The following FGD6 variants were observed in gnomAD, a reference collection of about 807,000 sequenced individuals.
FGD6 encodes the protein FYVE, RhoGEF and PH domain-containing protein 6.
Under a neutral mutation model 149.4 loss-of-function variants are expected in FGD6, and 90 were observed. The ratio of observed to expected loss-of-function variants is 0.60; its 90% CI spans 0.51 to 0.72. FGD6 has a LOEUF of 0.72. Among genes scored for constraint, FGD6 ranks in the 30% least tolerant of loss-of-function variants. The pLI is 0.00. For missense variants in FGD6, 1,437 were observed against 1,684.8 expected, an observed-to-expected ratio of 0.85 and a Z score of 2.57; for synonymous variants, 527 against 584.0, an observed-to-expected ratio of 0.90 and a Z score of 1.41.
At chr12:95,142,966 T>G (rs1879897440) in intron 5 of FGD6, among the ~76,000 whole-genome samples, 1 of 152,166 alleles carries the variant, frequency 6.6e-6, no homozygotes, top group Admixed American at 6.6e-5. Flanking sequence ...GGGTAGGAGA[T>G]AAGTATTTGC....
chr12:95,102,690 G>A (rs1878489047), intron 14 of FGD6, among the ~76,000 whole-genome samples: 1 of 152,134 alleles, frequency 6.6e-6, no homozygotes. Flanking sequence ...TTGCATTTCA[G>A]AGGAGTAGCA....
chr12:95,179,217 CG>C (rs1332050289), intron 2 of FGD6, among the ~76,000 whole-genome samples: 8 of 151,728 alleles, frequency 5.3e-5, no homozygotes, highest in Admixed American at 1.3e-4. Flanking sequence ...TAATCAGAGC[CG>C]GGGTGGTGAC....
In FGD6 at chr12:95,079,784, G is replaced by C. The variant is rs1230083227; in HGVS notation, c.*1736C>G. ...AACTCTAGATCTAGTAGGGACTCTGGTGCTGTACCAAACAGCATTCAAAAG... is the reference window on the plus strand; with the variant it reads ...AACTCTAGATCTAGTAGGGACTCTGCTGCTGTACCAAACAGCATTCAAAAG... On this transcript the variant is annotated 3_prime_UTR_variant, in exon 21 of 21. Transcript: ENST00000343958. The C allele has an allele frequency of 6.6e-6, 1 of 151,984 alleles. No homozygotes were observed. The highest frequency in any genetic ancestry group is 2.4e-5 in the African/African-American group (1 of 41,356). The allele number at this position is 151,984 out of a possible 1,614,324, so 9.4% of individuals were successfully genotyped here. A position where few individuals can be genotyped will look rare whatever the true frequency, so the allele number is the denominator to read the frequency against.
intron 14 of FGD6, among the ~76,000 whole-genome samples, chr12:95,095,651 G>A (rs1417432196): frequency 6.6e-6 from 1 of 151,984 alleles, no homozygotes; most frequent in East Asian, 1.9e-4. Context: ...AAATTCATCA[G>A]AATGGGATTG....
rs1220891968 is a variant in FGD6, at chr12:95,078,752, A to C, written c.*2768T>G. 6.6e-6 allele frequency: 1 copy of C among 152,206 alleles called. No individual in the cohort carries two copies. The highest frequency in any genetic ancestry group is 1.5e-5 in the Non-Finnish European group (1 of 68,046). The allele number at this position is 152,206 out of a possible 1,614,324, so 9.4% of individuals were successfully genotyped here. On this transcript the variant is annotated 3_prime_UTR_variant, in exon 21 of 21. Transcript: ENST00000343958. ...TGGGTCCTGTACATTTATAGCTGCC[A>C]CAGATAAAGGTGGACTGCTAGTTGG...
chr12:95,174,927 CA>C (rs10687970), intron 2 of FGD6, among the ~76,000 whole-genome samples: 27 of 84,676 alleles, frequency 3.2e-4, no homozygotes, highest in Admixed American at 8.1e-4. Context: ...ACTCCATCTC[CA>C]AAAAAAAAAA....
chr12:95,173,162 G>C (rs1881039909), intron 2 of FGD6, among the ~76,000 whole-genome samples: 1 of 152,130 alleles, frequency 6.6e-6, no homozygotes, highest in Non-Finnish European at 1.5e-5. Context: ...CAAAAAACAA[G>C]TAACAAATCT....
chr12:95,154,024 A>C (rs1485223715), intron 3 of FGD6, among the ~76,000 whole-genome samples: 1 of 151,526 alleles, frequency 6.6e-6, no homozygotes, highest in Non-Finnish European at 1.5e-5. Context: ...CAGTGGTGTG[A>C]TCTCAGCTCA....
At chr12:95,206,567 G>A (rs375149288) in intron 2 of FGD6, among the ~76,000 whole-genome samples, 10 of 152,122 alleles carry the variant, frequency 6.6e-5, no homozygotes, top group African/African-American at 2.4e-4. Context: ...GTATGCCCCT[G>A]TGGTCCCAGC....
chr12:95,085,876 A>T lies in FGD6; in HGVS notation c.4011T>A (p.Ser1337Arg). Residue 1337 changes from serine to arginine, a missense_variant, in exon 19 of 21, where the codon AGT becomes AGA. Transcript: ENST00000343958. ...TGCCCTTTGATCTGTACAAGTAGCCACTCATAGAAGAATCCTCTGTGTTTG... is the reference window on the plus strand; with the variant it reads ...TGCCCTTTGATCTGTACAAGTAGCCTCTCATAGAAGAATCCTCTGTGTTTG... ...VSANTEDSSM[S>R]GYLYRSKGNK... 6.2e-7 allele frequency: 1 copy of T among 1,611,616 alleles called. No homozygotes were observed. The highest frequency in any genetic ancestry group is 8.5e-7 in the Non-Finnish European group (1 of 1,179,432).
rs1422722198 is a variant in FGD6 at position 95,210,284 on chromosome 12, G to C, written c.1000C>G (p.Pro334Ala). The C allele has an allele frequency of 6.2e-7, 1 of 1,613,978 alleles. No homozygotes were observed. Among genetic ancestry groups the C allele is most frequent in the Non-Finnish European group, 8.5e-7 (1 of 1,179,994 alleles). The change falls in exon 2 of 21, where the codon CCT becomes GCT. Residue 334 changes from proline to alanine, a missense_variant. Transcript: ENST00000343958. ...RLLRQKCVDT[P>A]SESTEEPGNS... The stretch of plus-strand genomic sequence containing the variant: ...CCCGGTTCTTCAGTGCTTTCACTAG[G>C]AGTATCTACACACTTTTGGCGTAAC...
intron 2 of FGD6, 140 bp downstream of exon 2, chr12:95,208,703 C>T (rs960127573): frequency 2.0e-6 from 2 of 988,538 alleles, no homozygotes; most frequent in Non-Finnish European, 2.9e-6. Context: ...TAAAAGGAGG[C>T]TGCACTTGAG....
At chr12:95,120,513 C>G (rs1416241216) in intron 8 of FGD6, among the ~76,000 whole-genome samples, 1 of 151,622 alleles carries the variant, frequency 6.6e-6, no homozygotes, top group Non-Finnish European at 1.5e-5. Context: ...ATAGCGAAAC[C>G]CTGTCTCTAC....
intron 8 of FGD6, among the ~76,000 whole-genome samples, chr12:95,117,155 G>T (rs1450944013): frequency 6.6e-6 from 1 of 152,080 alleles, no homozygotes; most frequent in Non-Finnish European, 1.5e-5. Context: ...TGACCTTTCT[G>T]CTCCTGCCAA....
At chr12:95,139,238 A>G (rs1592848301) in intron 6 of FGD6, among the ~76,000 whole-genome samples, 1 of 152,166 alleles carries the variant, frequency 6.6e-6, no homozygotes, top group African/African-American at 2.4e-5. Context: ...CCAGGAGCAC[A>G]AGACCAGCCA....
At chr12:95,114,210 G>C (rs1276713469) in intron 8 of FGD6, among the ~76,000 whole-genome samples, 1 of 152,052 alleles carries the variant, frequency 6.6e-6, no homozygotes, top group East Asian at 1.9e-4. Flanking sequence ...TTTTCAAATG[G>C]GGACAAATTT....
At chr12:95,101,017 C>A in intron 14 of FGD6, 1 of 318,894 alleles carries the variant, frequency 3.1e-6, no homozygotes, top group South Asian at 3.4e-5. Context: ...AGAGAGGTTG[C>A]CACCTTGATT....
intron 8 of FGD6, 24 bp from the exon 9 acceptor site, chr12:95,113,725 T>A: frequency 1.3e-6 from 2 of 1,491,620 alleles, no homozygotes; most frequent in Non-Finnish European, 9.2e-7. Context: ...AAAAAAAGTA[T>A]TTAAGTACAA....
At chr12:95,191,494 A>T (rs992984563) in intron 2 of FGD6, among the ~76,000 whole-genome samples, 2 of 152,220 alleles carry the variant, frequency 1.3e-5, no homozygotes, top group Non-Finnish European at 2.9e-5. Context: ...AAGCAAAAGC[A>T]GTGTTTAACC....
Sources: gnomAD v4.1 joint callset for allele counts (sites outside exome capture counted in the v4.1 genomes callset) on GRCh38, gnomAD v4.1.1 for gene constraint, MANE v1.5 for transcripts, NCBI Gene and HGNC (gene_info 2026-07-23, HGNC 2026-07-21) for gene names.